The following MAMSTR variants were observed in gnomAD, a reference collection of about 807,000 sequenced individuals.
MAMSTR encodes the protein MEF2-activating motif and SAP domain-containing transcriptional regulator.
A neutral mutation model predicts 42.7 loss-of-function variants in MAMSTR; 41 were observed. The observed-to-expected ratio is 0.96, with a 90% CI of 0.75 to 1.25. The LOEUF (loss-of-function observed/expected upper bound fraction) is 1.25, where lower values mean the gene tolerates loss of function less well. Among genes scored for constraint, MAMSTR ranks in the 50% most tolerant of loss-of-function variants. The probability of loss-of-function intolerance (pLI) is 0.00; values close to 1 mark genes in which losing one functional copy is unlikely to be tolerated. For missense variants in MAMSTR, 567 were observed against 557.6 expected (o/e 1.02, Z -0.17); for synonymous variants, 265 against 244.1 (o/e 1.09, Z -0.80).
At chr19:48,715,480 C>A (rs748486071) in intron 4 of MAMSTR, 34 bp from the exon 5 acceptor site, 3 of 1,468,988 alleles carry the variant, frequency 2.0e-6, no homozygotes, top group South Asian at 2.9e-5. Flanking sequence ...TAGGCTTCAG[C>A]GCGGCTCCCA....
chr19:48,713,718 T>C lies in MAMSTR; in HGVS notation c.962A>G (p.Asp321Gly). The change falls in exon 9 of 10, where the codon GAT becomes GGT. Residue 321 changes from aspartate (D) to glycine (G), a missense_variant and splice_region_variant. Transcript: ENST00000318083. Reference sequence around the variant, plus strand: ...AAATCTAGCAGTTTGGATCCTACCATCAGGCTCCACCTGATCCTCCAGGAT... The same window carrying C: ...AAATCTAGCAGTTTGGATCCTACCACCAGGCTCCACCTGATCCTCCAGGAT... ...DDILEDQVEP[D>G]DPLPPIPLDF... is the part of the protein sequence containing the mutation. The C allele has an allele frequency of 1.9e-6, 3 of 1,614,118 alleles. No individual in the cohort carries two copies.
In MAMSTR at chr19:48,713,122, G is replaced by A. The variant is rs2032782058; in HGVS notation, c.*145C>T. On this transcript the variant is annotated 3_prime_UTR_variant, in exon 10 of 10. Transcript: ENST00000318083. ...AAGTTAAGGCAGTTGCATGTCAGCA[G>A]CACTTCAGGAGGCAGGTGGGGTTGG... 1 of 719,848 alleles carries A rather than the reference G, an allele frequency of 1.4e-6. No homozygotes were observed. Among genetic ancestry groups the A allele is most frequent in the South Asian group, 2.3e-5 (1 of 43,782 alleles). 44.6% of individuals were successfully genotyped at this position (719,848 alleles called of 1,614,324 possible).
At chr19:48,711,444 A>G (rs954425337), downstream of MAMSTR, among the ~76,000 whole-genome samples, 2 of 152,208 alleles carry the variant, frequency 1.3e-5, no homozygotes, top group African/African-American at 4.8e-5. Flanking sequence ...GCTCTAGCCA[A>G]CATCACATGG....
At chr19:48,714,308 G>T in intron 7 of MAMSTR, 58 bp downstream of exon 7, 1 of 1,311,758 alleles carries the variant, frequency 7.6e-7, no homozygotes. Context: ...TCGACACCCC[G>T]CCCCGGCCCA....
Position 48,715,249 on chromosome 19 carries a change from G to A in MAMSTR, c.425+13C>T, listed in dbSNP as rs1480544684. 2.5e-6 allele frequency: 4 copies of A among 1,573,452 alleles called. No individual in the cohort carries two copies. The East Asian group carries it at 9.2e-5, about 36-fold the overall frequency. On this transcript the variant is annotated intron_variant, in intron 5 of 9. Coordinates refer to ENST00000318083, the MANE Select transcript of MAMSTR (RefSeq NM_001130915.2). ...ATTTCTGGGTCCCGGGAGAACAGAA[G>A]TGGGTGTCATACCTAGGATGTGGCT... is the stretch of plus-strand genomic sequence containing the variant.
Position 48,714,475 on chromosome 19 carries a change from C to A in MAMSTR, c.614G>T (p.Gly205Val). The change falls in exon 7 of 10, where the codon GGC becomes GTC. Residue 205 changes from glycine (G) to valine (V), a missense_variant. By Grantham distance (109) the Gly-to-Val change is moderately radical. Coordinates refer to ENST00000318083, the MANE Select transcript of MAMSTR (RefSeq NM_001130915.2). ...CTTCGGCCGCTCGCGGGGCGGCGCG[C>A]CGCCGCGCATGCGCTCCAGGAGCAT... ...KSMLLERMRG[G>V]APPRERPKPR... is the part of the protein sequence containing the mutation. The A allele has an allele frequency of 7.3e-7, 1 of 1,364,560 alleles. No homozygotes were observed. Among genetic ancestry groups the A allele is most frequent in the Non-Finnish European group, 9.3e-7 (1 of 1,070,626 alleles). The allele number at this position is 1,364,560 out of a possible 1,614,324, so 84.5% of individuals were successfully genotyped here.
chr19:48,719,065 GGGGCA>G lies in MAMSTR; in HGVS notation c.-21-18_-21-14del. 6.5e-7 allele frequency: 1 copy of G among 1,547,790 alleles called. No individual in the cohort carries two copies. Among genetic ancestry groups the G allele is most frequent in the African/African-American group, 1.4e-5 (1 of 73,124 alleles). ...CCGGGATGGGGACCTGGACGGAGAGGGGGCAGGGCAGGGGCCCCATAGAGGGCTGG... is the reference window on the plus strand; with the variant it reads ...CCGGGATGGGGACCTGGACGGAGAGGGGGCAGGGGCCCCATAGAGGGCTGG... On this transcript the variant is annotated splice_polypyrimidine_tract_variant and intron_variant, in intron 1 of 9. Coordinates refer to ENST00000318083, the MANE Select transcript of MAMSTR (RefSeq NM_001130915.2). This position sits in a 1 kb window ranked among gnomAD's most constrained non-coding sequence, Gnocchi z 4.4.
At chr19:48,716,912 T>C in intron 2 of MAMSTR, 169 bp from the exon 3 acceptor site, 1 of 1,207,558 alleles carries the variant, frequency 8.3e-7, no homozygotes, top group South Asian at 4.2e-5. Flanking sequence ...TCCTCGGGCC[T>C]CCCGCCTGCT....
At chr19:48,714,145 C>T (rs2032868251) in intron 7 of MAMSTR, 100 bp from the exon 8 acceptor site, 2 of 1,316,732 alleles carry the variant, frequency 1.5e-6, no homozygotes, top group Admixed American at 2.8e-5. Flanking sequence ...CTCTCGCGAC[C>T]CCTCGCTCAT....
chr19:48,713,339 G>A lies in MAMSTR; in HGVS notation c.1176C>T (p.Pro392=), dbSNP rs1353534385. Residue 392 remains proline (P), a synonymous_variant, in exon 10 of 10, where the codon CCC becomes CCT. Transcript: ENST00000318083. ...CAGATAAGTCAGCGGAGAAGATGCT[G>A]GGGGGTGGGGGACCAGAACCCAGAG... The part of the protein sequence containing the change: ...GPPLGSGPPP[P]SIFSADLSDS... 1 of 1,607,816 alleles carries A rather than the reference G, an allele frequency of 6.2e-7. No individual in the cohort carries two copies. The highest frequency in any genetic ancestry group is 8.5e-7 in the Non-Finnish European group (1 of 1,178,232).
In MAMSTR at chr19:48,713,759, G is replaced by T; in HGVS notation, c.921C>A (p.Asn307Lys). 2 of 1,614,240 alleles carry T rather than the reference G, an allele frequency of 1.2e-6. No homozygotes were observed. ...CCTCCAGGATGTCATCGATGCCCCG[G>T]TTAGGAAGCAACTGCGGATGGAGAA... The part of the protein sequence containing the change: ...EAIRRAQLLP[N>K]RGIDDILEDQ... The change falls in exon 9 of 10, where the codon AAC becomes AAA. Residue 307 changes from asparagine (N) to lysine (K), a missense_variant. Transcript: ENST00000318083.
downstream of MAMSTR, among the ~76,000 whole-genome samples, chr19:48,709,233 C>T (rs1010565410): frequency 2.0e-5 from 3 of 152,162 alleles, no homozygotes; most frequent in African/African-American, 7.2e-5. Context: ...ACCACAACCT[C>T]CGCCTCCCGG....
chr19:48,719,130 T>A lies in MAMSTR; in HGVS notation c.-21-78A>T. 9.9e-7 allele frequency: 1 copy of A among 1,006,404 alleles called. No homozygotes were observed. The allele number at this position is 1,006,404 out of a possible 1,614,324, so 62.3% of individuals were successfully genotyped here. A position where few individuals can be genotyped will look rare whatever the true frequency, so the allele number is the denominator to read the frequency against. ...GAGGTCAGGAGGCCGCCCCTGAGAG[T>A]GAATTCAGCAGGGAAAGGGCCCGAA... On this transcript the variant is annotated intron_variant, in intron 1 of 9. Transcript: ENST00000318083. The surrounding 1 kb of genome is among the most constrained non-coding windows in gnomAD (Gnocchi z 4.4).
At chr19:48,717,519 A>G (rs1328740136) in intron 2 of MAMSTR, among the ~76,000 whole-genome samples, 1 of 145,854 alleles carries the variant, frequency 6.9e-6, no homozygotes, top group Non-Finnish European at 1.5e-5. Context: ...GTTGCCCAGG[A>G]TGAATGTTAA....
At chr19:48,711,582 G>GTTTGTTTGTT (rs2032726120), downstream of MAMSTR, among the ~76,000 whole-genome samples, 1 of 125,380 alleles carries the variant, frequency 8.0e-6, no homozygotes, top group African/African-American at 3.0e-5. Context: ...TTGTTTGTTT[G>GTTTGTTTGTT]TTTGTTTTGA....
chr19:48,713,248 CTG>C lies in MAMSTR; in HGVS notation c.*17_*18del, dbSNP rs1568466084. 1 of 1,568,432 alleles carries C rather than the reference CTG, an allele frequency of 6.4e-7. No individual in the cohort carries two copies. Among genetic ancestry groups the C allele is most frequent in the Non-Finnish European group, 8.6e-7 (1 of 1,163,330 alleles). On this transcript the variant is annotated 3_prime_UTR_variant, in exon 10 of 10. Transcript: ENST00000318083. Reference sequence around the variant, plus strand: ...CTCCACCCCCATCAGTTCTCTGTCTCTGTAAATCCTAGAATCCATCACCATGG... The same window carrying C: ...CTCCACCCCCATCAGTTCTCTGTCTCTAAATCCTAGAATCCATCACCATGG...
At chr19:48,712,721 C>G (rs964682963), downstream of MAMSTR, 1 of 152,452 alleles carries the variant, frequency 6.6e-6, no homozygotes, top group Non-Finnish European at 1.5e-5. Flanking sequence ...CGTGAGCCAC[C>G]GCACCCAGCC....
Position 48,719,506 on chromosome 19 carries a change from G to A in MAMSTR, c.-22+173C>T, listed in dbSNP as rs532698546. On this transcript the variant is annotated intron_variant, in intron 1 of 9. Coordinates refer to ENST00000318083, the MANE Select transcript of MAMSTR (RefSeq NM_001130915.2). This position sits in a 1 kb window ranked among gnomAD's most constrained non-coding sequence, Gnocchi z 4.4. ...AGAATCCAAGATCCTGGGTGGAGAGGGGAACGGGGCCCTGACAGGTTTCTG... is the reference window on the plus strand; with the variant it reads ...AGAATCCAAGATCCTGGGTGGAGAGAGGAACGGGGCCCTGACAGGTTTCTG... Among the ~76,000 whole-genome samples the A allele has an allele frequency of 7.9e-5, 12 of 152,280 alleles. No homozygotes were observed. Among genetic ancestry groups the A allele is most frequent in the South Asian group, 2.1e-4 (1 of 4,824 alleles).
chr19:48,716,123 C>A (rs1026276209), intron 3 of MAMSTR, among the ~76,000 whole-genome samples: 1 of 151,984 alleles, frequency 6.6e-6, no homozygotes, highest in Non-Finnish European at 1.5e-5. Flanking sequence ...CGCCTGTAAT[C>A]CCAGCAGTTT....
Sources: gnomAD v4.1 joint callset for allele counts (sites outside exome capture counted in the v4.1 genomes callset) on GRCh38, gnomAD v4.1.1 for gene constraint, Gnocchi (gnomAD v3.1) non-coding constraint, MANE v1.5 for transcripts, NCBI Gene and HGNC (gene_info 2026-07-23, HGNC 2026-07-21) for gene names.